Variants in CRTAC1 observed in about 807,000 individuals in gnomAD.
CRTAC1 encodes acidic secreted protein in cartilage.
CRTAC1 carries 37 observed loss-of-function variants against 67.8 expected under a neutral mutation model. The observed-to-expected ratio is 0.55, with a 90% CI of 0.42 to 0.72. The LOEUF (loss-of-function observed/expected upper bound fraction) is 0.72, where lower values mean the gene tolerates loss of function less well. Ranked by LOEUF, CRTAC1 falls within the 30% of genes least tolerant of loss-of-function variation. The pLI is 0.00. For missense variants in CRTAC1, 780 were observed against 931.6 expected (o/e 0.84, Z 2.12); for synonymous variants, 348 against 371.0 (o/e 0.94, Z 0.71).
chr10:97,958,028 GT>G (rs2051468482), intron 2 of CRTAC1, among the ~76,000 whole-genome samples: 1 of 152,124 alleles, frequency 6.6e-6, no homozygotes, highest in African/African-American at 2.4e-5. Flanking sequence ...CCAGGGTCTT[GT>G]AAGCAGGATA....
At chr10:97,977,949 C>G (rs531610125) in intron 2 of CRTAC1, among the ~76,000 whole-genome samples, 3 of 152,302 alleles carry the variant, frequency 2.0e-5, no homozygotes, top group African/African-American at 4.8e-5. Flanking sequence ...GAGGGGAGGC[C>G]TTTACCACCT....
chr10:98,012,301 A>T (rs1209872236), intron 1 of CRTAC1, among the ~76,000 whole-genome samples: 1 of 152,158 alleles, frequency 6.6e-6, no homozygotes, highest in East Asian at 1.9e-4. Flanking sequence ...AAGGAGGTGG[A>T]GGGATTCCAC....
At chr10:97,873,740 T>C (rs1257529006) in intron 14 of CRTAC1, among the ~76,000 whole-genome samples, 1 of 152,214 alleles carries the variant, frequency 6.6e-6, no homozygotes, top group Non-Finnish European at 1.5e-5. Context: ...GGCCCCAGAC[T>C]GCTTTCCTGC....
In CRTAC1 at chr10:97,908,070, T is replaced by C. The variant is rs1407320518; in HGVS notation, c.793A>G (p.Asn265Asp). 1 of 1,614,150 alleles carries C rather than the reference T, an allele frequency of 6.2e-7. No individual in the cohort carries two copies. Among genetic ancestry groups the C allele is most frequent in the South Asian group, 1.1e-5 (1 of 91,088 alleles). Reference sequence around the variant, plus strand: ...TCGCCCCGGTTGTGGAAAAGGAAGTTAGGCCCATTCTCATTGTCGCAGAAG... The same window carrying C: ...TCGCCCCGGTTGTGGAAAAGGAAGTCAGGCCCATTCTCATTGTCGCAGAAG... ...DIFCDNENGP[N>D]FLFHNRGDGT... is the part of the protein sequence containing the mutation. The change falls in exon 6 of 15, where the codon AAC (asparagine) becomes GAC (aspartate). Residue 265 changes from asparagine (N) to aspartate (D), a missense_variant. By Grantham distance (23) the Asn-to-Asp change is conservative (BLOSUM62 1). Transcript: ENST00000370597.
chr10:97,992,777 T>C (rs1382641268), intron 2 of CRTAC1, among the ~76,000 whole-genome samples: 2 of 152,196 alleles, frequency 1.3e-5, no homozygotes, highest in Admixed American at 1.3e-4. Flanking sequence ...ATGATAGTTA[T>C]CAGGGGCTAG....
At chr10:97,914,330 A>G (rs2477671) in intron 5 of CRTAC1, among the ~76,000 whole-genome samples, 151,561 of 152,306 alleles carry the variant, frequency 1, 75,417 homozygotes, top group East Asian at 1. Flanking sequence ...GCCCAGCAGA[A>G]GGCCCTGGCA....
intron 2 of CRTAC1, among the ~76,000 whole-genome samples, chr10:97,960,577 C>A (rs2051509925): frequency 6.6e-6 from 1 of 152,178 alleles, no homozygotes; most frequent in Admixed American, 6.5e-5. Flanking sequence ...TCTTGGTTTG[C>A]CTTTTACAAT....
At chr10:97,925,059 G>A (rs915473270) in intron 3 of CRTAC1, among the ~76,000 whole-genome samples, 1 of 152,138 alleles carries the variant, frequency 6.6e-6, no homozygotes, top group African/African-American at 2.4e-5. Context: ...TTGAGCCCAG[G>A]AGTTCTAGAC....
At chr10:97,880,132 A>C (rs1474289315) in intron 14 of CRTAC1, 117 bp downstream of exon 14, 1 of 1,232,682 alleles carries the variant, frequency 8.1e-7, no homozygotes. Context: ...GTCAAAGGAG[A>C]CTCTATCCAG....
intron 6 of CRTAC1, among the ~76,000 whole-genome samples, chr10:97,907,599 G>C (rs1248371619): frequency 1.3e-5 from 2 of 152,180 alleles, no homozygotes; most frequent in Non-Finnish European, 2.9e-5. Flanking sequence ...CTGGTTCCCA[G>C]TGCCAACCTG....
chr10:97,964,792 T>G (rs1398076210), intron 2 of CRTAC1, among the ~76,000 whole-genome samples: 1 of 152,222 alleles, frequency 6.6e-6, no homozygotes, highest in Non-Finnish European at 1.5e-5. Flanking sequence ...TACCTTGATG[T>G]TCCTGAAATG....
chr10:98,012,147 GC>G (rs1451860146), intron 1 of CRTAC1, among the ~76,000 whole-genome samples: 1 of 152,180 alleles, frequency 6.6e-6, no homozygotes, highest in Non-Finnish European at 1.5e-5. Context: ...TTAAACCATT[GC>G]GTGCGTGTTT....
intron 2 of CRTAC1, among the ~76,000 whole-genome samples, chr10:97,979,946 A>T (rs1363144069): frequency 6.6e-6 from 1 of 152,206 alleles, no homozygotes; most frequent in Admixed American, 6.5e-5. Context: ...CAGATCGCTC[A>T]GTCAGAGAAG....
chr10:97,979,204 C>T (rs1396190799), intron 2 of CRTAC1, among the ~76,000 whole-genome samples: 1 of 152,094 alleles, frequency 6.6e-6, no homozygotes, highest in East Asian at 1.9e-4. Flanking sequence ...CTTTTGAGTT[C>T]CGTGATAGTC....
intron 11 of CRTAC1, among the ~76,000 whole-genome samples, chr10:97,893,251 C>T (rs1043524411): frequency 6.0e-5 from 9 of 149,640 alleles, no homozygotes; most frequent in African/African-American, 2.2e-4. Context: ...CATTGCCTTT[C>T]AGTTTTTTTT....
intron 2 of CRTAC1, among the ~76,000 whole-genome samples, chr10:97,982,090 TG>T (rs967950311): frequency 2.6e-5 from 4 of 152,214 alleles, no homozygotes; most frequent in African/African-American, 9.6e-5. Flanking sequence ...CTCTTGCCAA[TG>T]GCAAGAAAAA....
intron 14 of CRTAC1, chr10:97,879,661 T>C: frequency 5.9e-6 from 9 of 1,532,498 alleles, no homozygotes; most frequent in Non-Finnish European, 7.0e-6. Flanking sequence ...TTTTGTTTTG[T>C]TTTTTCCTTT....
intron 2 of CRTAC1, among the ~76,000 whole-genome samples, chr10:97,942,876 G>A (rs1301433220): frequency 3.3e-5 from 5 of 151,906 alleles, no homozygotes; most frequent in Admixed American, 3.3e-4. Flanking sequence ...AGACCAGCCT[G>A]GGCAACATAG....
At chr10:97,996,394 AC>A (rs1842569733) in intron 2 of CRTAC1, among the ~76,000 whole-genome samples, 1 of 151,198 alleles carries the variant, frequency 6.6e-6, no homozygotes, top group African/African-American at 2.5e-5. Flanking sequence ...CAAGAAAAAA[AC>A]AAACAACCCC....
Sources: gnomAD v4.1 joint callset for allele counts (sites outside exome capture counted in the v4.1 genomes callset) on GRCh38, gnomAD v4.1.1 for gene constraint, MANE v1.5 for transcripts, NCBI Gene and HGNC (gene_info 2026-07-23, HGNC 2026-07-21) for gene names.